The following MYH10 variants were observed in gnomAD, a reference collection of about 807,000 sequenced individuals.
The protein encoded by MYH10 is myosin heavy chain 10, also known as myosin-10.
In MYH10, 55 loss-of-function variants were observed where a neutral mutation model predicts 257.8. The observed-to-expected ratio is 0.21, with a 90% CI of 0.17 to 0.27. The LOEUF (loss-of-function observed/expected upper bound fraction) is 0.27. Ranked by LOEUF, MYH10 falls within the 10% of genes least tolerant of loss-of-function variation. The pLI is 1.00. For synonymous variants in MYH10, 854 were observed against 921.7 expected, an observed-to-expected ratio of 0.93 and a Z score of 1.33; for missense variants, 1,631 against 2,500.6, an observed-to-expected ratio of 0.65 and a Z score of 7.42.
At chr17:8,480,608 T>G (rs1278356852) in intron 38 of MYH10, 83 bp from the exon 39 acceptor site, 1 of 1,563,154 alleles carries the variant, frequency 6.4e-7, no homozygotes, top group Non-Finnish European at 8.6e-7. Flanking sequence ...CCACCCACCC[T>G]GTTGCTGGAA....
chr17:8,556,793 G>A (rs1340733409), intron 7 of MYH10, among the ~76,000 whole-genome samples: 1 of 152,144 alleles, frequency 6.6e-6, no homozygotes, highest in African/African-American at 2.4e-5. Context: ...TCAAGGGAGA[G>A]ATCTTAGGAA....
chr17:8,476,491 C>T (rs530037678), intron 42 of MYH10, among the ~76,000 whole-genome samples: 208 of 152,278 alleles, frequency 1.4e-3, no homozygotes, highest in African/African-American at 5.0e-3. Flanking sequence ...TGGTACAGAG[C>T]AGATCCATTG....
intron 3 of MYH10, among the ~76,000 whole-genome samples, chr17:8,591,443 T>C (rs2084135556): frequency 6.6e-6 from 1 of 152,184 alleles, no homozygotes; most frequent in South Asian, 2.1e-4. Context: ...AGGCATTTAT[T>C]CCTTGCTGGC....
Position 8,511,058 on chromosome 17 carries a change from A to ATG in MYH10, c.2953-1110_2953-1109insCA, listed in dbSNP as rs1281696233. On this transcript the variant is annotated intron_variant, in intron 24 of 42. Coordinates refer to ENST00000360416, the MANE Select transcript of MYH10 (RefSeq NM_001256012.3). ...TATATATATATATATATATATATAT[A>ATG]TACACACATACATACATACACACAC... is the stretch of plus-strand genomic sequence containing the variant. 2.6e-4 allele frequency: 30 copies of ATG among 113,674 alleles called. 1 individual carries two copies. Among genetic ancestry groups the ATG allele is most frequent in the Non-Finnish European group, 4.6e-4 (26 of 57,074 alleles). The allele number at this position is 113,674 out of a possible 1,614,324, so 7.0% of individuals were successfully genotyped here.
chr17:8,538,372 A>C (rs554368417), intron 14 of MYH10, among the ~76,000 whole-genome samples: 1 of 152,008 alleles, frequency 6.6e-6, no homozygotes, highest in East Asian at 1.9e-4. Context: ...CGCCTGGCTA[A>C]TTTCTTTTTG....
Position 8,546,693 on chromosome 17 carries a change from ATTT to A in MYH10, c.1160-34_1160-32del, listed in dbSNP as rs752193147. 3.4e-5 allele frequency: 52 copies of A among 1,527,948 alleles called. No individual in the cohort carries two copies. In the African/African-American group the frequency reaches 6.6e-4, roughly 19 times the overall value. The allele number at this position is 1,527,948 out of a possible 1,614,324, so 94.6% of individuals were successfully genotyped here. On this transcript the variant is annotated intron_variant, in intron 11 of 42. Transcript: ENST00000360416. ...GTGTAAAAAGTCTCCTAAATCCTAC[ATTT>A]TTTACTTACAATCTACTCACAATAT... is the stretch of plus-strand genomic sequence containing the variant.
intron 28 of MYH10, among the ~76,000 whole-genome samples, chr17:8,501,480 A>G (rs563416754): frequency 6.6e-6 from 1 of 152,310 alleles, no homozygotes; most frequent in South Asian, 2.1e-4. Flanking sequence ...TAAAACTGGA[A>G]AAAGGGAGTC....
At chr17:8,588,667 G>A (rs2084006107) in intron 4 of MYH10, among the ~76,000 whole-genome samples, 1 of 152,194 alleles carries the variant, frequency 6.6e-6, no homozygotes, top group Admixed American at 6.5e-5. Context: ...TGCTGCCAAA[G>A]TAATCTTTCT....
rs778485072 is a variant in MYH10, at chr17:8,545,485, A to G, written c.1394T>C (p.Ile465Thr). ...DRTKRQGASF[I>T]GILDIAGFEI... ...AAATCCAGCAATATCCAGGATTCCA[A>G]TGAAAGATGCTCCCTGACGTTTGGT... Residue 465 changes from isoleucine to threonine, a missense_variant, in exon 13 of 43, where the codon ATT becomes ACT. Physicochemically the swap from Ile to Thr is moderately conservative, Grantham distance 89. This residue lies in a region of MYH10 where 360 missense variants were observed against 581.9 expected (regional missense o/e 0.62). Coordinates refer to ENST00000360416, the MANE Select transcript of MYH10 (RefSeq NM_001256012.3). This position sits in a 1 kb window ranked among gnomAD's most constrained non-coding sequence, Gnocchi z 4.7. The G allele has an allele frequency of 1.2e-6, 2 of 1,613,756 alleles. No homozygotes were observed. The highest frequency in any genetic ancestry group is 1.1e-5 in the South Asian group (1 of 90,980).
intron 2 of MYH10, among the ~76,000 whole-genome samples, chr17:8,618,232 C>T (rs999925507): frequency 6.6e-6 from 1 of 150,520 alleles, no homozygotes; most frequent in African/African-American, 2.5e-5. Flanking sequence ...TAAAACTTAA[C>T]ATGATAATTT....
Position 8,550,801 on chromosome 17 carries a change from ACTT to A in MYH10, c.919+1242_919+1244del, listed in dbSNP as rs1333547864. 3.9e-5 allele frequency among the ~76,000 whole-genome samples: 6 copies of A among 152,014 alleles called. No individual in the cohort carries two copies. The East Asian group carries it at 5.8e-4, about 15-fold the overall frequency. ...TTTCATTTTGTTCTGTACTAAGAAA[ACTT>A]CTTCTGCCTTGGGATCCTGTTGATC... On this transcript the variant is annotated intron_variant, in intron 9 of 42. Coordinates refer to ENST00000360416, the MANE Select transcript of MYH10 (RefSeq NM_001256012.3).
At position 8,625,052 on chromosome 17, in the gene MYH10, C is replaced by T. The variant is rs143880847; in HGVS notation, c.-31-1775G>A. On this transcript the variant is annotated intron_variant, in intron 1 of 42. Coordinates refer to ENST00000360416, the MANE Select transcript of MYH10 (RefSeq NM_001256012.3). ...TCACCTGAGGTCAGAAGTTCGAGAC[C>T]AGCCTGGCCAACATGGTGAAACCCC... 2.6e-5 allele frequency among the ~76,000 whole-genome samples: 4 copies of T among 152,212 alleles called. No homozygotes were observed. In the East Asian group the frequency reaches 7.7e-4, roughly 29 times the overall value.
chr17:8,579,217 T>C (rs747524175), intron 4 of MYH10, among the ~76,000 whole-genome samples: 5 of 151,504 alleles, frequency 3.3e-5, no homozygotes, highest in Admixed American at 6.6e-5. Context: ...AAGTTGAGGC[T>C]GCAGTGAGCT....
chr17:8,625,353 T>C (rs2085634781), intron 1 of MYH10, among the ~76,000 whole-genome samples: 1 of 152,212 alleles, frequency 6.6e-6, no homozygotes, highest in Admixed American at 6.5e-5. Flanking sequence ...CAAACACTCA[T>C]CTTCTATAGT....
chr17:8,481,426 T>G lies in MYH10; in HGVS notation c.5176-16A>C. The G allele has an allele frequency of 6.2e-7, 1 of 1,611,922 alleles. No individual in the cohort carries two copies. Among genetic ancestry groups the G allele is most frequent in the Middle Eastern group, 1.7e-4 (1 of 6,048 alleles). ...AGGCAAGTTCCTAAGCAGTGGAGAC[T>G]GCGTTAAGCTCTGGCTGTGAATAGT... On this transcript the variant is annotated splice_polypyrimidine_tract_variant and intron_variant, in intron 37 of 42. Coordinates refer to ENST00000360416, the MANE Select transcript of MYH10 (RefSeq NM_001256012.3).
At chr17:8,589,223 C>T (rs764818510) in intron 3 of MYH10, 115 bp from the exon 4 acceptor site, 9 of 1,049,714 alleles carry the variant, frequency 8.6e-6, no homozygotes, top group African/African-American at 1.6e-5. Context: ...AACTACTCCT[C>T]TCGAGCCAAG....
chr17:8,558,805 A>G lies in MYH10; in HGVS notation c.757-4787T>C, dbSNP rs2082892529. Among the ~76,000 whole-genome samples, 4 of 152,212 alleles carry G rather than the reference A, an allele frequency of 2.6e-5. No individual in the cohort carries two copies. In the South Asian group the frequency reaches 8.3e-4, roughly 31 times the overall value. On this transcript the variant is annotated intron_variant, in intron 7 of 42. Transcript: ENST00000360416. Reference sequence around the variant, plus strand: ...AATTATAAAACATTTTCATCTTTAGATTTGTAAGCATCAATTAGAATGGTC... The same window carrying G: ...AATTATAAAACATTTTCATCTTTAGGTTTGTAAGCATCAATTAGAATGGTC...
chr17:8,520,457 C>T lies in MYH10; in HGVS notation c.2273+421G>A, dbSNP rs779296594. 3.9e-5 allele frequency among the ~76,000 whole-genome samples: 6 copies of T among 152,252 alleles called. No homozygotes were observed. In the South Asian group the frequency reaches 1.2e-3, roughly 32 times the overall value. On this transcript the variant is annotated intron_variant, in intron 19 of 42. Transcript: ENST00000360416. ...GTTGCAGTGAGCCGAGATGGCTCCA[C>T]TGTACTCCAGCCTGGGTGACAGAGC...
At chr17:8,478,547 G>A in intron 40 of MYH10, 101 bp from the exon 41 acceptor site, 1 of 1,058,932 alleles carries the variant, frequency 9.4e-7, no homozygotes, top group Non-Finnish European at 1.4e-6. Context: ...ATGACACATG[G>A]TGGAGGCATT....
Sources: allele counts gnomAD v4.1 joint callset (sites outside exome capture counted in the v4.1 genomes callset), GRCh38; gene constraint gnomAD v4.1.1; regional missense constraint gnomAD v4.1.1; non-coding constraint Gnocchi (gnomAD v3.1); transcripts MANE v1.5; gene names NCBI Gene and HGNC (gene_info 2026-07-23, HGNC 2026-07-21).